The following OSBPL5 variants were observed in gnomAD, a reference collection of about 807,000 sequenced individuals.
OSBPL5 encodes oxysterol-binding protein-related protein 5.
In OSBPL5, 71 loss-of-function variants were observed where a neutral mutation model predicts 111.2. That is an observed-to-expected ratio of 0.64 (90% CI 0.53 to 0.78). The LOEUF (loss-of-function observed/expected upper bound fraction) is 0.78, where lower values mean the gene tolerates loss of function less well. OSBPL5 is among the 30% of genes least tolerant of loss of function. The pLI is 0.00. For synonymous variants in OSBPL5, 549 were observed against 513.9 expected (o/e 1.07, Z -0.93); for missense variants, 1,210 against 1,189.3 (o/e 1.02, Z -0.26).
chr11:3,103,803 G>GT (rs1857573791), intron 10 of OSBPL5, among the ~76,000 whole-genome samples: 1 of 42,748 alleles, frequency 2.3e-5, no homozygotes, highest in African/African-American at 6.0e-5. Flanking sequence ...TGCCTCTGCA[G>GT]CCCTCTTCCT....
At chr11:3,127,814 T>A (rs936311148) in intron 2 of OSBPL5, among the ~76,000 whole-genome samples, 1 of 152,028 alleles carries the variant, frequency 6.6e-6, no homozygotes, top group South Asian at 2.1e-4. Flanking sequence ...CACTGGTCCT[T>A]CTCCTCACAG....
chr11:3,119,706 A>G, intron 6 of OSBPL5, 75 bp from the exon 7 acceptor site: 2 of 1,421,936 alleles, frequency 1.4e-6, no homozygotes, highest in Non-Finnish European at 9.5e-7. Flanking sequence ...AGGCAGAACC[A>G]TGCGGATCCA....
At chr11:3,136,112 G>C (rs868459427) in intron 1 of OSBPL5, among the ~76,000 whole-genome samples, 1 of 152,234 alleles carries the variant, frequency 6.6e-6, no homozygotes. Context: ...CCCTGAGGAT[G>C]CTTGCCTCTG....
chr11:3,155,682 C>T (rs1279896026), intron 1 of OSBPL5, among the ~76,000 whole-genome samples: 2 of 150,972 alleles, frequency 1.3e-5, no homozygotes, highest in Non-Finnish European at 3.0e-5. Context: ...CTCACCCCAG[C>T]TTTGCCACTC....
chr11:3,143,382 C>G, intron 1 of OSBPL5, among the ~76,000 whole-genome samples: 1 of 152,274 alleles, frequency 6.6e-6, no homozygotes, highest in East Asian at 1.9e-4. Flanking sequence ...CAAGCACACG[C>G]CCCCAGGTGG....
intron 1 of OSBPL5, among the ~76,000 whole-genome samples, chr11:3,132,477 G>A (rs1047343581): frequency 6.6e-6 from 1 of 151,964 alleles, no homozygotes; most frequent in Non-Finnish European, 1.5e-5. Context: ...TCATTTTAAA[G>A]GCCACATCTC....
At position 3,104,726 on chromosome 11, in the gene OSBPL5, G is replaced by A. The variant is rs527383878; in HGVS notation, c.1060-349C>T. On this transcript the variant is annotated intron_variant, in intron 9 of 21. Coordinates refer to ENST00000263650, the MANE Select transcript of OSBPL5 (RefSeq NM_020896.4). The surrounding 1 kb of genome is among the most constrained non-coding windows in gnomAD (Gnocchi z 5.0). ...GTGCATCGTGGGACCCTGGGCCCAGGGAACAGAGAGACTGCAGCCCACCCT... is the reference window on the plus strand; with the variant it reads ...GTGCATCGTGGGACCCTGGGCCCAGAGAACAGAGAGACTGCAGCCCACCCT... 1.3e-5 allele frequency among the ~76,000 whole-genome samples: 2 copies of A among 152,270 alleles called. No homozygotes were observed. The highest frequency in any genetic ancestry group is 2.1e-4 in the South Asian group (1 of 4,826).
intron 1 of OSBPL5, among the ~76,000 whole-genome samples, chr11:3,153,002 C>T (rs1044832987): frequency 2.0e-5 from 3 of 152,098 alleles, no homozygotes; most frequent in Non-Finnish European, 4.4e-5. Flanking sequence ...GCATTGACAG[C>T]CCCTCCAACA....
At chr11:3,115,873 C>CTTTTTTTTTTTTTTTTTTT (rs369499437) in intron 7 of OSBPL5, among the ~76,000 whole-genome samples, 1 of 143,990 alleles carries the variant, frequency 6.9e-6, no homozygotes, top group African/African-American at 2.5e-5. Context: ...AGGCTTTTGC[C>CTTTTTTTTTTTTTTTTTTT]TTTTTTTTTT....
intron 1 of OSBPL5, among the ~76,000 whole-genome samples, chr11:3,137,684 C>A (rs1450869378): frequency 3.3e-5 from 5 of 152,234 alleles, no homozygotes; most frequent in Non-Finnish European, 7.3e-5. Context: ...TGGCACATGC[C>A]TGTGGTCCCA....
chr11:3,101,536 T>C, intron 13 of OSBPL5, 67 bp downstream of exon 13: 1 of 1,442,250 alleles, frequency 6.9e-7, no homozygotes, highest in Non-Finnish European at 9.7e-7. Context: ...GTCCACTGGC[T>C]CCCGGAGTCC....
At chr11:3,119,716 A>C (rs1858336260) in intron 6 of OSBPL5, 85 bp from the exon 7 acceptor site, 1 of 1,328,968 alleles carries the variant, frequency 7.5e-7, no homozygotes, top group Middle Eastern at 2.2e-4. Context: ...ATGCGGATCC[A>C]CACCTGGGAC....
At position 3,161,710 on chromosome 11, in the gene OSBPL5, A is replaced by C. The variant is rs1011746542; in HGVS notation, c.-22+3506T>G. Among the ~76,000 whole-genome samples, 2 of 152,138 alleles carry C rather than the reference A, an allele frequency of 1.3e-5. No individual in the cohort carries two copies. Among genetic ancestry groups the C allele is most frequent in the Non-Finnish European group, 2.9e-5 (2 of 68,036 alleles). On this transcript the variant is annotated intron_variant, in intron 1 of 21. Transcript: ENST00000263650. This position sits in a 1 kb window ranked among gnomAD's most constrained non-coding sequence, Gnocchi z 8.0. ...TTGGCCCAATCGCTTTCTCCATAGG[A>C]AGCCATTCAATTAAACAAACATGAC...
chr11:3,156,222 C>A (rs1003925114), intron 1 of OSBPL5, among the ~76,000 whole-genome samples: 1 of 152,202 alleles, frequency 6.6e-6, no homozygotes, highest in African/African-American at 2.4e-5. Context: ...CCAAGGAAAC[C>A]GGAACGCTTG....
At chr11:3,103,723 G>GCAACCCTCTTCCAGCT (rs1564829596) in intron 10 of OSBPL5, among the ~76,000 whole-genome samples, 2 of 80,212 alleles carry the variant, frequency 2.5e-5, no homozygotes, top group South Asian at 4.2e-4. Context: ...TCCAGGCTCT[G>GCAACCCTCTTCCAGCT]CTGCCCCTTC....
chr11:3,098,691 G>C (rs114534847), intron 14 of OSBPL5, among the ~76,000 whole-genome samples: 3,535 of 151,848 alleles, frequency 0.023, 124 homozygotes, highest in African/African-American at 0.079. Context: ...ATTTATTAGA[G>C]ACGGAGATTC....
intron 14 of OSBPL5, among the ~76,000 whole-genome samples, chr11:3,099,089 C>G (rs539546240): frequency 6.6e-6 from 1 of 152,282 alleles, no homozygotes; most frequent in Admixed American, 6.5e-5. Flanking sequence ...TAGGCATGAG[C>G]CATCATGCCT....
intron 1 of OSBPL5, among the ~76,000 whole-genome samples, chr11:3,135,419 G>C (rs143678904): frequency 2.0e-5 from 3 of 152,212 alleles, no homozygotes; most frequent in Non-Finnish European, 4.4e-5. Context: ...GAGAGTAAGG[G>C]GGACAGAGAG....
intron 11 of OSBPL5, among the ~76,000 whole-genome samples, chr11:3,102,505 C>T (rs146957028): frequency 1.8e-3 from 269 of 152,270 alleles, no homozygotes; most frequent in Non-Finnish European, 3.2e-3. Context: ...GAATCCTGTC[C>T]ACTTCTTAGC....
Sources: allele counts gnomAD v4.1 joint callset (sites outside exome capture counted in the v4.1 genomes callset), GRCh38; gene constraint gnomAD v4.1.1; non-coding constraint Gnocchi (gnomAD v3.1); transcripts MANE v1.5; gene names NCBI Gene and HGNC (gene_info 2026-07-23, HGNC 2026-07-21).